The following LIN7A variants were observed in gnomAD, a reference collection of about 807,000 sequenced individuals.
LIN7A encodes lin-7 cell polarity scaffold A.
LIN7A carries 25 observed loss-of-function variants against 29.8 expected under a neutral mutation model. The observed-to-expected ratio is 0.84, with a 90% CI of 0.61 to 1.17. The LOEUF (loss-of-function observed/expected upper bound fraction) is 1.17, where lower values mean the gene tolerates loss of function less well. Among genes scored for constraint, LIN7A ranks in the 50% most tolerant of loss-of-function variants. The probability of loss-of-function intolerance (pLI) is 0.00; values close to 1 mark genes in which losing one functional copy is unlikely to be tolerated. For synonymous variants in LIN7A, 118 were observed against 107.5 expected, an observed-to-expected ratio of 1.10 and a Z score of -0.60; for missense variants, 239 against 287.0, an observed-to-expected ratio of 0.83 and a Z score of 1.21.
At chr12:80,845,586 T>A (rs898004067) in intron 4 of LIN7A, 144 bp downstream of exon 4, 2 of 605,990 alleles carry the variant, frequency 3.3e-6, no homozygotes, top group African/African-American at 3.8e-5. Flanking sequence ...TTTTATAGGT[T>A]TAATATCCAT....
intron 4 of LIN7A, among the ~76,000 whole-genome samples, chr12:80,832,379 G>A (rs1444049645): frequency 6.6e-6 from 1 of 152,136 alleles, no homozygotes. Flanking sequence ...AATAACGTTT[G>A]CCTGTAGAGA....
intron 1 of LIN7A, among the ~76,000 whole-genome samples, chr12:80,932,319 T>C (rs1322913935): frequency 1.3e-5 from 2 of 152,370 alleles, no homozygotes; most frequent in Non-Finnish European, 2.9e-5. Context: ...CTTGGTTTTA[T>C]AGCAGATTTT....
intron 4 of LIN7A, among the ~76,000 whole-genome samples, chr12:80,816,693 C>T (rs1871554461): frequency 1.3e-5 from 2 of 152,152 alleles, no homozygotes; most frequent in Non-Finnish European, 2.9e-5. Context: ...CAGCAGTAAG[C>T]TCTAGGCAGC....
At chr12:80,834,467 G>A (rs1319213217) in intron 4 of LIN7A, among the ~76,000 whole-genome samples, 2 of 152,128 alleles carry the variant, frequency 1.3e-5, no homozygotes, top group African/African-American at 2.4e-5. Context: ...GAGTAAGGTT[G>A]GCTGTGATAA....
At chr12:80,814,725 C>T (rs1871451453) in intron 4 of LIN7A, among the ~76,000 whole-genome samples, 1 of 152,110 alleles carries the variant, frequency 6.6e-6, no homozygotes, top group South Asian at 2.1e-4. Flanking sequence ...CCTGCTCTGC[C>T]CTCTCCCACA....
intron 1 of LIN7A, among the ~76,000 whole-genome samples, chr12:80,909,863 A>AT (rs2120792977): frequency 6.6e-6 from 1 of 151,678 alleles, no homozygotes; most frequent in Admixed American, 6.6e-5. Flanking sequence ...TTTACCAAAA[A>AT]AAAAAACCCT....
In LIN7A at chr12:80,796,333, C is replaced by T. The variant is rs757085707; in HGVS notation, c.*1394G>A. On this transcript the variant is annotated 3_prime_UTR_variant, in exon 6 of 6. Coordinates refer to ENST00000552864, the MANE Select transcript of LIN7A (RefSeq NM_004664.4). Reference sequence around the variant, plus strand: ...GGTTCATTTATGTGCTTAAGGTATTCAAATGCCCAAACAATTATTGCTTCC... The same window carrying T: ...GGTTCATTTATGTGCTTAAGGTATTTAAATGCCCAAACAATTATTGCTTCC... The T allele has an allele frequency of 2.6e-5, 4 of 152,134 alleles. No homozygotes were observed. Among genetic ancestry groups the T allele is most frequent in the Admixed American group, 1.3e-4 (2 of 15,258 alleles). The allele number at this position is 152,134 out of a possible 1,614,324, so 9.4% of individuals were successfully genotyped here.
intron 3 of LIN7A, among the ~76,000 whole-genome samples, chr12:80,847,730 C>A (rs999547635): frequency 1.3e-5 from 2 of 152,062 alleles, no homozygotes; most frequent in East Asian, 3.9e-4. Flanking sequence ...CTTTAAAGGG[C>A]AGATGTGGTC....
chr12:80,865,834 G>A (rs1286421958), intron 2 of LIN7A, among the ~76,000 whole-genome samples: 1 of 152,202 alleles, frequency 6.6e-6, no homozygotes, highest in Non-Finnish European at 1.5e-5. Context: ...CTGTAAATTG[G>A]GTGAGTCAAA....
At chr12:80,882,031 A>C (rs1233534032) in intron 2 of LIN7A, among the ~76,000 whole-genome samples, 1 of 152,074 alleles carries the variant, frequency 6.6e-6, no homozygotes, top group Non-Finnish European at 1.5e-5. Context: ...ATCTCTTTCT[A>C]TGCTGGTTGC....
chr12:80,919,116 G>A (rs1877168929), intron 1 of LIN7A, among the ~76,000 whole-genome samples: 1 of 152,170 alleles, frequency 6.6e-6, no homozygotes, highest in Non-Finnish European at 1.5e-5. Context: ...CTCATAGAAT[G>A]TATTTCCATC....
At chr12:80,900,353 T>C (rs191312501) in intron 1 of LIN7A, among the ~76,000 whole-genome samples, 87 of 152,276 alleles carry the variant, frequency 5.7e-4, no homozygotes, top group African/African-American at 2.0e-3. Flanking sequence ...AGGTGTGATG[T>C]TAGGCTGTTA....
intron 1 of LIN7A, among the ~76,000 whole-genome samples, chr12:80,912,151 T>C (rs1876781328): frequency 1.3e-5 from 2 of 152,170 alleles, no homozygotes; most frequent in African/African-American, 4.8e-5. Flanking sequence ...CAAGCACCAA[T>C]TCAGGGCAGC....
intron 4 of LIN7A, among the ~76,000 whole-genome samples, chr12:80,833,669 T>C (rs536302378): frequency 1.3e-5 from 2 of 152,330 alleles, no homozygotes; most frequent in East Asian, 3.9e-4. Flanking sequence ...CCCTACTCTT[T>C]AGCTACAAAC....
intron 4 of LIN7A, chr12:80,842,008 A>G: frequency 1.6e-6 from 2 of 1,276,408 alleles, no homozygotes; most frequent in Non-Finnish European, 2.0e-6. Flanking sequence ...AGGTGGTTCA[A>G]TGTCTCATTT....
chr12:80,807,063 G>GTTTTTTTTTTTTTT lies in LIN7A; in HGVS notation c.*4388_*4401dup, dbSNP rs71094991. Among the ~76,000 whole-genome samples, 113 of 53,562 alleles carry GTTTTTTTTTTTTTT rather than the reference G, an allele frequency of 2.1e-3. 15 individuals are homozygous for GTTTTTTTTTTTTTT. The highest frequency in any genetic ancestry group is 8.5e-3 in the African/African-American group (98 of 11,518). The allele number at this position is 53,562 out of a possible 152,430, so 35.1% of individuals were successfully genotyped here. A position where few individuals can be genotyped will look rare whatever the true frequency, so the allele number is the denominator to read the frequency against. ...CCATAGGAAATTTAATGAAGATGGA[G>GTTTTTTTTTTTTTT]TTTTTTTTTTTTTTTTTTTTTTTTT... On this transcript the variant is annotated intron_variant, in intron 5 of 5. Coordinates refer to ENST00000552864, the MANE Select transcript of LIN7A (RefSeq NM_004664.4).
intron 1 of LIN7A, among the ~76,000 whole-genome samples, chr12:80,925,483 C>A (rs551774241): frequency 6.6e-6 from 1 of 152,290 alleles, no homozygotes; most frequent in East Asian, 1.9e-4. Flanking sequence ...CAGGACTCAG[C>A]AAAGAAATAA....
chr12:80,870,860 C>T lies in LIN7A; in HGVS notation c.201+18391G>A, dbSNP rs1313600288. On this transcript the variant is annotated intron_variant, in intron 2 of 5. Coordinates refer to ENST00000552864, the MANE Select transcript of LIN7A (RefSeq NM_004664.4). ...TGTTGTACTATGGTAGGCACATTCA[C>T]ATTCACAAATTTTGGGCCACATTTA... is the stretch of plus-strand genomic sequence containing the variant. Among the ~76,000 whole-genome samples, 7 of 152,322 alleles carry T rather than the reference C, an allele frequency of 4.6e-5. No individual in the cohort carries two copies. In the East Asian group the frequency reaches 7.7e-4, roughly 17 times the overall value.
intron 1 of LIN7A, among the ~76,000 whole-genome samples, chr12:80,893,401 GT>G (rs984234899): frequency 6.6e-6 from 1 of 151,794 alleles, no homozygotes; most frequent in African/African-American, 2.4e-5. Flanking sequence ...TTTAATTTTT[GT>G]TTTTTAGCTT....
Sources: gnomAD v4.1 joint callset for allele counts (sites outside exome capture counted in the v4.1 genomes callset) on GRCh38, gnomAD v4.1.1 for gene constraint, MANE v1.5 for transcripts, NCBI Gene and HGNC (gene_info 2026-07-23, HGNC 2026-07-21) for gene names.